ZNF518B: variants seen among roughly 807,000 people sequenced by gnomAD.
The protein encoded by ZNF518B is zinc finger protein 518B.
In ZNF518B, 23 loss-of-function variants were observed where a neutral mutation model predicts 56.3. That is an observed-to-expected ratio of 0.41 (90% CI 0.29 to 0.58). ZNF518B has a LOEUF of 0.58. Ranked by LOEUF, ZNF518B falls within the 20% of genes least tolerant of loss-of-function variation. The pLI, the probability that ZNF518B is intolerant of heterozygous loss-of-function variation, is 0.32. For synonymous variants in ZNF518B, 529 were observed against 465.9 expected (o/e 1.14, Z -1.74); for missense variants, 1,460 against 1,272.1 (o/e 1.15, Z -2.25).
Position 10,445,367 on chromosome 4 carries a change from T to C in ZNF518B, c.962A>G (p.Glu321Gly), listed in dbSNP as rs781352724. 1.2e-5 allele frequency: 20 copies of C among 1,614,138 alleles called. No homozygotes were observed. Among genetic ancestry groups the C allele is most frequent in the Non-Finnish European group, 1.7e-5 (20 of 1,180,054 alleles). Residue 321 changes from glutamate to glycine, a missense_variant, in exon 3 of 3, where the codon GAA (glutamate) becomes GGA (glycine). By Grantham distance (98) the Glu-to-Gly change is moderately conservative. Coordinates refer to ENST00000326756, the MANE Select transcript of ZNF518B (RefSeq NM_053042.3). ...CAATGGCATACCTGGCTGAACAGGT[T>C]CTTTTGCAGGGGATAACACTTCTAC... Reference protein sequence around the residue: ...VEVEVLSPAKEPVQPGMPLTV... With the variant: ...VEVEVLSPAKGPVQPGMPLTV...
In ZNF518B at chr4:10,444,416, G is replaced by C. The variant is rs1714866374; in HGVS notation, c.1913C>G (p.Ser638Cys). 1 of 1,614,182 alleles carries C rather than the reference G, an allele frequency of 6.2e-7. No individual in the cohort carries two copies. Among genetic ancestry groups the C allele is most frequent in the Non-Finnish European group, 8.5e-7 (1 of 1,180,038 alleles). ...GACATTTTCAGATCCAGAGCTCAGA[G>C]AAAATACTGATGAGATGACTGGGCC... Reference protein sequence around the residue: ...NDGPVISSVFSLSSGSENVPE... With the variant: ...NDGPVISSVFCLSSGSENVPE... The change falls in exon 3 of 3, where the codon TCT becomes TGT. Residue 638 changes from serine (S) to cysteine (C), a missense_variant. Coordinates refer to ENST00000326756, the MANE Select transcript of ZNF518B (RefSeq NM_053042.3).
upstream of ZNF518B, among the ~76,000 whole-genome samples, chr4:10,460,304 C>CAAAAAAAAAAAAA (rs1210892613): frequency 2.3e-4 from 2 of 8,794 alleles, no homozygotes; most frequent in Non-Finnish European, 1.6e-4. Flanking sequence ...GACTCTGTCT[C>CAAAAAAAAAAAAA]AAAAAAAAAA....
At position 10,445,488 on chromosome 4, in the gene ZNF518B, G is replaced by C. The variant is rs751681698; in HGVS notation, c.841C>G (p.Pro281Ala). ...KMHNIMLLPE[P>A]KEYQKDVVCI... Reference sequence around the variant, plus strand: ...ACTACATCTTTTTGGTATTCCTTTGGTTCAGGTAACAACATGATATTGTGC... The same window carrying C: ...ACTACATCTTTTTGGTATTCCTTTGCTTCAGGTAACAACATGATATTGTGC... The change falls in exon 3 of 3, where the codon CCA becomes GCA. Residue 281 changes from proline (P) to alanine (A), a missense_variant. Transcript: ENST00000326756. The C allele has an allele frequency of 2.5e-6, 4 of 1,614,158 alleles. No homozygotes were observed. Among genetic ancestry groups the C allele is most frequent in the Middle Eastern group, 1.6e-4 (1 of 6,062 alleles).
intron 1 of ZNF518B, among the ~76,000 whole-genome samples, chr4:10,456,856 G>A (rs1485776421): frequency 3.3e-5 from 5 of 152,140 alleles, no homozygotes; most frequent in Admixed American, 6.5e-5. Flanking sequence ...AGCCCTCGGA[G>A]GAGGCATCCT....
rs1447728719 is a variant in ZNF518B, at chr4:10,454,982, A to G, written c.-389T>C. 6.6e-6 allele frequency: 1 copy of G among 152,284 alleles called. No homozygotes were observed. Among genetic ancestry groups the G allele is most frequent in the Non-Finnish European group, 1.5e-5 (1 of 68,096 alleles). The allele number at this position is 152,284 out of a possible 1,614,324, so 9.4% of individuals were successfully genotyped here. Reference sequence around the variant, plus strand: ...CTGGGCGTCAGCAAGGCGCTGCACAAAGAGGCCTGCAACAGAAGCCAAACA... The same window carrying G: ...CTGGGCGTCAGCAAGGCGCTGCACAGAGAGGCCTGCAACAGAAGCCAAACA... On this transcript the variant is annotated 5_prime_UTR_variant, in exon 2 of 3. Transcript: ENST00000326756.
At chr4:10,452,377 A>G (rs1008809409) in intron 2 of ZNF518B, 4 of 152,342 alleles carry the variant, frequency 2.6e-5, no homozygotes, top group African/African-American at 4.8e-5. Flanking sequence ...CTTACAAATT[A>G]TATCTATATT....
rs1715015027 is a variant in ZNF518B, at chr4:10,445,849, A to G, written c.480T>C (p.Ile160=). ...AGCTGCAGTGAGAACAAATGAATTT[A>G]ATCTCCTCGTGTTGAAGGGTGTGCT... ...YKKHTLQHEE[I]KFICSHCSYI... is the part of the protein sequence containing the mutation. Residue 160 remains isoleucine (I), a synonymous_variant, in exon 3 of 3, where the codon ATT becomes ATC. Coordinates refer to ENST00000326756, the MANE Select transcript of ZNF518B (RefSeq NM_053042.3). The G allele has an allele frequency of 6.2e-7, 1 of 1,614,126 alleles. No homozygotes were observed. Among genetic ancestry groups the G allele is most frequent in the African/African-American group, 1.3e-5 (1 of 74,948 alleles).
chr4:10,443,574 C>T lies in ZNF518B; in HGVS notation c.2755G>A (p.Val919Ile), dbSNP rs965794306. The stretch of plus-strand genomic sequence containing the variant: ...GCTATCAGTCTTAGTTGCCTTGCAA[C>T]CTGAAAAATTGAAGGATCCTTGAGA... ...RCLKDPSIFQVARQLRLIAAK... is the reference protein window; with the variant it reads ...RCLKDPSIFQIARQLRLIAAK... Residue 919 changes from valine (V) to isoleucine (I), a missense_variant, in exon 3 of 3, where the codon GTT becomes ATT. Transcript: ENST00000326756. 6.2e-6 allele frequency: 10 copies of T among 1,614,032 alleles called. No homozygotes were observed. The African/African-American group carries it at 9.3e-5, about 15-fold the overall frequency.
Position 10,443,093 on chromosome 4 carries a change from T to C in ZNF518B, c.*11A>G. The C allele has an allele frequency of 1.2e-6, 2 of 1,601,228 alleles. No homozygotes were observed. The highest frequency in any genetic ancestry group is 1.1e-5 in the South Asian group (1 of 89,614). ...CTAAAAGATAACTTGCTTTAAAGAG[T>C]AACTGTTTACTTATTTGCCCTTGGA... is the stretch of plus-strand genomic sequence containing the variant. On this transcript the variant is annotated 3_prime_UTR_variant, in exon 3 of 3. Transcript: ENST00000326756.
rs376747007 is a variant in ZNF518B, at chr4:10,443,470, C to A, written c.2859G>T (p.Ser953=). ...VIVLNHPDVD[S]PEVTNVMKVI... ...CCTTCATCACATTGGTCACTTCTGG[C>A]GAGTCCACATCAGGGTGGTTTAACA... is the stretch of plus-strand genomic sequence containing the variant. The change falls in exon 3 of 3, where the codon TCG becomes TCT. Residue 953 remains serine (S), a synonymous_variant. Coordinates refer to ENST00000326756, the MANE Select transcript of ZNF518B (RefSeq NM_053042.3). 1 of 1,614,182 alleles carries A rather than the reference C, an allele frequency of 6.2e-7. No individual in the cohort carries two copies. The highest frequency in any genetic ancestry group is 8.5e-7 in the Non-Finnish European group (1 of 1,180,020).
intron 2 of ZNF518B, chr4:10,453,424 A>G (rs1007544719): frequency 6.6e-6 from 1 of 152,244 alleles, no homozygotes; most frequent in African/African-American, 2.4e-5. Context: ...TTGGAGATTG[A>G]CTTGACACTG....
At chr4:10,458,527 A>C (rs1715641285), upstream of ZNF518B, among the ~76,000 whole-genome samples, 1 of 152,170 alleles carries the variant, frequency 6.6e-6, no homozygotes, top group African/African-American at 2.4e-5. Context: ...AACCTCCACC[A>C]CTAAAGTATC....
chr4:10,451,752 C>T (rs117392316), intron 2 of ZNF518B: 2 of 152,314 alleles, frequency 1.3e-5, no homozygotes, highest in East Asian at 1.9e-4. Flanking sequence ...AAGGGGCTAA[C>T]AGCCATTTAT....
Position 10,442,817 on chromosome 4 carries a change from AAAG to A in ZNF518B, c.*284_*286del. The A allele has an allele frequency of 8.5e-6, 3 of 354,290 alleles. No homozygotes were observed. The South Asian group carries it at 1.7e-4, about 20-fold the overall frequency. 21.9% of individuals were successfully genotyped at this position (354,290 alleles called of 1,614,324 possible). A position where few individuals can be genotyped will look rare whatever the true frequency, so the allele number is the denominator to read the frequency against. On this transcript the variant is annotated 3_prime_UTR_variant, in exon 3 of 3. Coordinates refer to ENST00000326756, the MANE Select transcript of ZNF518B (RefSeq NM_053042.3). ...GTACTCAGAAAACGGGGTGCTAAACAAAGAAAAGTCTCAGATCCCACTGAAAAT... is the reference window on the plus strand; with the variant it reads ...GTACTCAGAAAACGGGGTGCTAAACAAAAAGTCTCAGATCCCACTGAAAAT...
chr4:10,442,904 A>G lies in ZNF518B; in HGVS notation c.*200T>C. On this transcript the variant is annotated 3_prime_UTR_variant, in exon 3 of 3. Coordinates refer to ENST00000326756, the MANE Select transcript of ZNF518B (RefSeq NM_053042.3). Reference sequence around the variant, plus strand: ...GCATATGTACCAATTTGCATGTACAATTTCAGAGCCTTCAAATACATTCTG... The same window carrying G: ...GCATATGTACCAATTTGCATGTACAGTTTCAGAGCCTTCAAATACATTCTG... 1.8e-6 allele frequency: 1 copy of G among 546,346 alleles called. No homozygotes were observed. Among genetic ancestry groups the G allele is most frequent in the Non-Finnish European group, 3.2e-6 (1 of 314,306 alleles). 33.8% of individuals were successfully genotyped at this position (546,346 alleles called of 1,614,324 possible). A position where few individuals can be genotyped will look rare whatever the true frequency, so the allele number is the denominator to read the frequency against.
intron 2 of ZNF518B, chr4:10,453,083 A>C (rs924262374): frequency 3.9e-5 from 6 of 152,268 alleles, no homozygotes; most frequent in African/African-American, 1.2e-4. Context: ...ACATGATTTC[A>C]AACTTGTTAA....
Position 10,444,551 on chromosome 4 carries a change from T to C in ZNF518B, c.1778A>G (p.His593Arg), listed in dbSNP as rs376237548. ...VSTVGQISSQ[H>R]KSEYLHINIT... ...GTTTATATGTAAATACTCACTCTTA[T>C]GTTGAGAGGAAATCTGGCCTACAGT... Residue 593 changes from histidine to arginine, a missense_variant, in exon 3 of 3, where the codon CAT (histidine) becomes CGT (arginine). Physicochemically the swap from His to Arg is conservative, Grantham distance 29. Coordinates refer to ENST00000326756, the MANE Select transcript of ZNF518B (RefSeq NM_053042.3). 18 of 1,614,028 alleles carry C rather than the reference T, an allele frequency of 1.1e-5. No individual in the cohort carries two copies. Among genetic ancestry groups the C allele is most frequent in the Middle Eastern group, 1.6e-4 (1 of 6,084 alleles).
Position 10,444,950 on chromosome 4 carries a change from A to G in ZNF518B, c.1379T>C (p.Ile460Thr), listed in dbSNP as rs1409415801. Reference protein sequence around the residue: ...NGKSFINSETIEDFQKKNNLY... With the variant: ...NGKSFINSETTEDFQKKNNLY... ...ATTATTTTTTTTCTGAAAATCCTCA[A>G]TTGTTTCCGAATTAATGAAGGATTT... is the stretch of plus-strand genomic sequence containing the variant. Residue 460 changes from isoleucine to threonine, a missense_variant, in exon 3 of 3, where the codon ATT (isoleucine) becomes ACT (threonine). Ile to Thr is a moderately conservative substitution (Grantham distance 89, BLOSUM62 -1). Transcript: ENST00000326756. 1.2e-6 allele frequency: 2 copies of G among 1,611,866 alleles called. No individual in the cohort carries two copies. Among genetic ancestry groups the G allele is most frequent in the Non-Finnish European group, 1.7e-6 (2 of 1,179,414 alleles).
At chr4:10,447,926 G>C (rs1190754547) in intron 2 of ZNF518B, among the ~76,000 whole-genome samples, 2 of 152,144 alleles carry the variant, frequency 1.3e-5, no homozygotes, top group Non-Finnish European at 2.9e-5. Context: ...TGGGATTACA[G>C]GCGTGAGCCA....
Sources: gnomAD v4.1 joint callset for allele counts (sites outside exome capture counted in the v4.1 genomes callset) on GRCh38, gnomAD v4.1.1 for gene constraint, MANE v1.5 for transcripts, NCBI Gene and HGNC (gene_info 2026-07-23, HGNC 2026-07-21) for gene names.